The following PITHD1 variants were observed in gnomAD, a reference collection of about 807,000 sequenced individuals.
The protein encoded by PITHD1 is PITH domain containing 1.
PITHD1 carries 8 observed loss-of-function variants against 27.5 expected under a neutral mutation model. The observed-to-expected ratio is 0.29, with a 90% CI of 0.17 to 0.52. The LOEUF (loss-of-function observed/expected upper bound fraction) is 0.52, where lower values mean the gene tolerates loss of function less well. Ranked by LOEUF, PITHD1 falls within the 20% of genes least tolerant of loss-of-function variation. PITHD1 has a pLI of 0.96. For synonymous variants in PITHD1, 118 were observed against 106.8 expected (o/e 1.10, Z -0.64); for missense variants, 233 against 283.9 (o/e 0.82, Z 1.29).
At chr1:23,782,288 A>G (rs1402727184) in intron 3 of PITHD1, among the ~76,000 whole-genome samples, 1 of 152,168 alleles carries the variant, frequency 6.6e-6, no homozygotes, top group Non-Finnish European at 1.5e-5. Context: ...TCATGGTGGC[A>G]GTCGCCTGTC....
intron 3 of PITHD1, among the ~76,000 whole-genome samples, chr1:23,783,854 G>A (rs1360243743): frequency 6.6e-6 from 1 of 152,192 alleles, no homozygotes; most frequent in Non-Finnish European, 1.5e-5. Context: ...ACAAAATGTT[G>A]ATCATCGAAG....
In PITHD1 at chr1:23,779,563, A is replaced by T. The variant is rs113217361; in HGVS notation, c.242+82A>T. 115 of 1,058,712 alleles carry T rather than the reference A, an allele frequency of 1.1e-4. No individual in the cohort carries two copies. In the African/African-American group the frequency reaches 1.6e-3, roughly 15 times the overall value. 65.6% of individuals were successfully genotyped at this position (1,058,712 alleles called of 1,614,324 possible). A position where few individuals can be genotyped will look rare whatever the true frequency, so the allele number is the denominator to read the frequency against. On this transcript the variant is annotated intron_variant, in intron 2 of 5. Transcript: ENST00000246151. The stretch of plus-strand genomic sequence containing the variant: ...GATGGATTCATTCACTGGTGTCAAG[A>T]GCACACATTTGCTTCTAGAAATGGG...
chr1:23,779,271 A>C (rs1465312319), intron 1 of PITHD1, 167 bp from the exon 2 acceptor site: 2 of 587,468 alleles, frequency 3.4e-6, no homozygotes, highest in Non-Finnish European at 6.1e-6. Context: ...GGCTGTTATG[A>C]CACTGGATAA....
intron 3 of PITHD1, among the ~76,000 whole-genome samples, chr1:23,783,512 C>T (rs1638640395): frequency 6.6e-6 from 1 of 150,826 alleles, no homozygotes; most frequent in African/African-American, 2.4e-5. Context: ...AGTGCAGTGG[C>T]CCAATCTTGG....
At chr1:23,779,365 G>A in intron 1 of PITHD1, 73 bp from the exon 2 acceptor site, 1 of 1,134,162 alleles carries the variant, frequency 8.8e-7, no homozygotes, top group South Asian at 1.3e-5. Context: ...AGAGCAGGGT[G>A]GGAGATGCCT....
Position 23,778,462 on chromosome 1 carries a change from AGCCGAGCGAGCGCGGCGGTGGG to A in PITHD1, c.-47_-26del, listed in dbSNP as rs1160326489. ...CGCGGAGCTGGTCTGAGGCGAGCCG[AGCCGAGCGAGCGCGGCGGTGGG>A]GCCGAGAGGACGCGCAGGTGGCGGC... is the stretch of plus-strand genomic sequence containing the variant. On this transcript the variant is annotated 5_prime_UTR_variant, in exon 1 of 6. Transcript: ENST00000246151. The A allele has an allele frequency of 8.8e-6, 11 of 1,255,914 alleles. No individual in the cohort carries two copies. The highest frequency in any genetic ancestry group is 1.1e-5 in the Non-Finnish European group (11 of 981,122). The allele number at this position is 1,255,914 out of a possible 1,614,324, so 77.8% of individuals were successfully genotyped here. A position where few individuals can be genotyped will look rare whatever the true frequency, so the allele number is the denominator to read the frequency against.
chr1:23,786,234 T>A (rs1638680051), intron 4 of PITHD1, 81 bp from the exon 5 acceptor site: 1 of 623,474 alleles, frequency 1.6e-6, no homozygotes, highest in Non-Finnish European at 2.9e-6. Context: ...AAGCTGGAGC[T>A]GAATTGTTGT....
chr1:23,780,210 A>G (rs1196462382), intron 3 of PITHD1, among the ~76,000 whole-genome samples: 4 of 152,216 alleles, frequency 2.6e-5, no homozygotes, highest in Non-Finnish European at 2.9e-5. Context: ...CATTGTGTAA[A>G]TGTCACTTGT....
intron 5 of PITHD1, among the ~76,000 whole-genome samples, chr1:23,786,639 A>AT (rs1638688962): frequency 1.4e-5 from 2 of 146,624 alleles, no homozygotes; most frequent in African/African-American, 5.0e-5. Flanking sequence ...TAATATATAT[A>AT]ATATATATAT....
In PITHD1 at chr1:23,786,424, G is replaced by T. The variant is rs750360697; in HGVS notation, c.534+1G>T. 6.7e-7 allele frequency: 1 copy of T among 1,485,338 alleles called. No individual in the cohort carries two copies. Among genetic ancestry groups the T allele is most frequent in the Non-Finnish European group, 9.4e-7 (1 of 1,067,772 alleles). 92.0% of individuals were successfully genotyped at this position (1,485,338 alleles called of 1,614,324 possible). A position where few individuals can be genotyped will look rare whatever the true frequency, so the allele number is the denominator to read the frequency against. On this transcript the variant is annotated splice_donor_variant, in intron 5 of 5. Coordinates refer to ENST00000246151, the MANE Select transcript of PITHD1 (RefSeq NM_020362.5). LOFTEE classifies it high-confidence loss of function. ...TGGCCTGAGAGGAGAGTGGACTGAG[G>T]TAAGATGGGGTTGGAAAGGTTTTCC...
rs752256854 is a variant in PITHD1 at position 23,787,347 on chromosome 1, G to T, written c.607G>T (p.Val203Phe). Residue 203 changes from valine (V) to phenylalanine (F), a missense_variant, in exon 6 of 6, where the codon GTT becomes TTT. Val to Phe is a conservative substitution (Grantham distance 50). Coordinates refer to ENST00000246151, the MANE Select transcript of PITHD1 (RefSeq NM_020362.5). ...CCCAGCAGACCATAGGGTCCATCAG[G>T]TTACCCCACAGACACACTTTATTTC... ...ANPADHRVHQ[V>F]TPQTHFIS is the part of the protein sequence containing the mutation. 2.7e-5 allele frequency: 44 copies of T among 1,610,422 alleles called. 1 individual carries two copies. In the South Asian group the frequency reaches 3.0e-4, roughly 11 times the overall value.
At chr1:23,782,312 G>T (rs1054911342) in intron 3 of PITHD1, among the ~76,000 whole-genome samples, 3 of 152,054 alleles carry the variant, frequency 2.0e-5, no homozygotes, top group Admixed American at 2.0e-4. Flanking sequence ...CCAGCTATTC[G>T]GGAGGCTGAG....
rs1416288035 is a variant in PITHD1 at position 23,780,923 on chromosome 1, C to T, written c.320+982C>T. ...AATAAAAAATTCAAATCCTAAAGGCCGAGCATGGTGGTTCACACCTGTAAT... is the reference window on the plus strand; with the variant it reads ...AATAAAAAATTCAAATCCTAAAGGCTGAGCATGGTGGTTCACACCTGTAAT... On this transcript the variant is annotated intron_variant, in intron 3 of 5. Coordinates refer to ENST00000246151, the MANE Select transcript of PITHD1 (RefSeq NM_020362.5). Among the ~76,000 whole-genome samples the T allele has an allele frequency of 2.7e-5, 4 of 150,552 alleles. No homozygotes were observed. The South Asian group carries it at 6.3e-4, about 24-fold the overall frequency.
chr1:23,783,399 G>A (rs561072769), intron 3 of PITHD1, among the ~76,000 whole-genome samples: 865 of 65,122 alleles, frequency 0.013, 30 homozygotes, highest in African/African-American at 0.056. Flanking sequence ...ACATATATAC[G>A]CATATATACA....
rs975919508 is a variant in PITHD1 at position 23,778,455 on chromosome 1, C to G, written c.-61C>G. ...TGAACGGCGCGGAGCTGGTCTGAGG[C>G]GAGCCGAGCCGAGCGAGCGCGGCGG... On this transcript the variant is annotated 5_prime_UTR_variant, in exon 1 of 6. Transcript: ENST00000246151. 4.2e-5 allele frequency: 50 copies of G among 1,198,466 alleles called. No homozygotes were observed. In the East Asian group the frequency reaches 1.6e-3, roughly 38 times the overall value. 74.2% of individuals were successfully genotyped at this position (1,198,466 alleles called of 1,614,324 possible).
intron 3 of PITHD1, among the ~76,000 whole-genome samples, chr1:23,780,739 G>A (rs532006032): frequency 3.2e-4 from 48 of 152,002 alleles, no homozygotes; most frequent in African/African-American, 1.1e-3. Flanking sequence ...GCTGGGCCTG[G>A]TGGTGCGTGC....
chr1:23,787,696 G>A lies in PITHD1; in HGVS notation c.*320G>A, dbSNP rs1393348391. On this transcript the variant is annotated 3_prime_UTR_variant, in exon 6 of 6. Transcript: ENST00000246151. Reference sequence around the variant, plus strand: ...GTGATTCCAAGTGTCATGTTGCTTTGTGGCAAGATTGTTGTGTGACTTGTT... The same window carrying A: ...GTGATTCCAAGTGTCATGTTGCTTTATGGCAAGATTGTTGTGTGACTTGTT... The A allele has an allele frequency of 5.3e-6, 1 of 190,420 alleles. No homozygotes were observed. Among genetic ancestry groups the A allele is most frequent in the Non-Finnish European group, 1.1e-5 (1 of 93,040 alleles). 11.8% of individuals were successfully genotyped at this position (190,420 alleles called of 1,614,324 possible). A position where few individuals can be genotyped will look rare whatever the true frequency, so the allele number is the denominator to read the frequency against.
rs986217042 is a variant in PITHD1 at position 23,778,449 on chromosome 1, C to CTGAGG, written c.-66_-62dup. The CTGAGG allele has an allele frequency of 8.7e-7, 1 of 1,150,602 alleles. No homozygotes were observed. Among genetic ancestry groups the CTGAGG allele is most frequent in the Non-Finnish European group, 1.1e-6 (1 of 902,920 alleles). 71.3% of individuals were successfully genotyped at this position (1,150,602 alleles called of 1,614,324 possible). On this transcript the variant is annotated 5_prime_UTR_variant, in exon 1 of 6. Transcript: ENST00000246151. ...CGGAGCTGAACGGCGCGGAGCTGGT[C>CTGAGG]TGAGGCGAGCCGAGCCGAGCGAGCG...
chr1:23,781,941 A>G (rs1638606531), intron 3 of PITHD1, among the ~76,000 whole-genome samples: 1 of 152,228 alleles, frequency 6.6e-6, no homozygotes, highest in African/African-American at 2.4e-5. Flanking sequence ...TTCTAAGCAC[A>G]CTACATATAT....
Sources: allele counts gnomAD v4.1 joint callset (sites outside exome capture counted in the v4.1 genomes callset), GRCh38; gene constraint gnomAD v4.1.1; transcripts MANE v1.5; gene names NCBI Gene and HGNC (gene_info 2026-07-23, HGNC 2026-07-21).